HTR1F: variants seen among roughly 807,000 people sequenced by gnomAD.
HTR1F encodes 5-hydroxytryptamine (serotonin) receptor 1F, G protein-coupled.
A neutral mutation model predicts 24.0 loss-of-function variants in HTR1F; 17 were observed. The observed-to-expected ratio is 0.71, with a 90% CI of 0.48 to 1.06. The LOEUF is 1.06. HTR1F is among the 50% of genes least tolerant of loss of function. HTR1F has a pLI of 0.00. For missense variants in HTR1F, 391 were observed against 427.8 expected, an observed-to-expected ratio of 0.91 and a Z score of 0.76; for synonymous variants, 186 against 156.8, an observed-to-expected ratio of 1.19 and a Z score of -1.39.
At chr3:87,902,591 CT>C (rs917342990) in intron 2 of HTR1F, among the ~76,000 whole-genome samples, 8 of 151,530 alleles carry the variant, frequency 5.3e-5, no homozygotes, top group African/African-American at 1.7e-4. Context: ...TTGTTTGTTT[CT>C]TTTTTTTATT....
At chr3:87,814,066 A>T (rs1379218965) in intron 1 of HTR1F, among the ~76,000 whole-genome samples, 1 of 152,132 alleles carries the variant, frequency 6.6e-6, no homozygotes, top group African/African-American at 2.4e-5. Flanking sequence ...GCTATATAAG[A>T]CCTAATTGGT....
At chr3:87,875,881 G>A (rs1185639273) in intron 2 of HTR1F, among the ~76,000 whole-genome samples, 19 of 142,936 alleles carry the variant, frequency 1.3e-4, no homozygotes, top group Admixed American at 2.2e-4. Flanking sequence ...CCAAGATCAC[G>A]CTACTGCACT....
chr3:87,988,024 A>AAAC (rs1307047603), intron 2 of HTR1F, among the ~76,000 whole-genome samples: 1 of 151,684 alleles, frequency 6.6e-6, no homozygotes, highest in Non-Finnish European at 1.5e-5. Context: ...GACAGATGAG[A>AAAC]AACAGCCTGT....
At chr3:87,977,286 T>C (rs1705415495) in intron 2 of HTR1F, among the ~76,000 whole-genome samples, 1 of 152,116 alleles carries the variant, frequency 6.6e-6, no homozygotes, top group Admixed American at 6.6e-5. Flanking sequence ...AATAATAATA[T>C]TAAGTTTTTT....
chr3:87,799,754 T>C (rs1703963629), intron 1 of HTR1F, among the ~76,000 whole-genome samples: 1 of 152,206 alleles, frequency 6.6e-6, no homozygotes, highest in Non-Finnish European at 1.5e-5. Flanking sequence ...CATCCTGGCA[T>C]TGGGGTAAAT....
intron 2 of HTR1F, among the ~76,000 whole-genome samples, chr3:87,832,475 A>C (rs1375005499): frequency 1.3e-5 from 2 of 151,770 alleles, no homozygotes; most frequent in African/African-American, 4.8e-5. Context: ...CTACAGGCGC[A>C]CGCCGCCACA....
intron 2 of HTR1F, among the ~76,000 whole-genome samples, chr3:87,826,837 G>T (rs140306300): frequency 6.6e-5 from 10 of 152,080 alleles, no homozygotes; most frequent in African/African-American, 2.4e-4. Context: ...TGGGGACAGG[G>T]TCTCACTCTG....
intron 1 of HTR1F, among the ~76,000 whole-genome samples, chr3:87,796,484 A>T (rs1703907942): frequency 6.6e-6 from 1 of 152,198 alleles, no homozygotes; most frequent in African/African-American, 2.4e-5. Flanking sequence ...ACGGGATTTT[A>T]TGAAATAATT....
At chr3:87,845,690 A>G (rs1459139274) in intron 2 of HTR1F, among the ~76,000 whole-genome samples, 17 of 151,874 alleles carry the variant, frequency 1.1e-4, no homozygotes, top group African/African-American at 4.1e-4. Context: ...TGCCATCCCC[A>G]TCAAGCTACC....
chr3:87,889,139 C>T (rs1287181295), intron 2 of HTR1F, among the ~76,000 whole-genome samples: 2 of 152,132 alleles, frequency 1.3e-5, no homozygotes, highest in South Asian at 2.1e-4. Flanking sequence ...AATCTCTGCA[C>T]ACCCCAGCTC....
chr3:87,990,641 A>G (rs1401830253), intron 2 of HTR1F, 67 bp from the exon 3 acceptor site: 2 of 750,754 alleles, frequency 2.7e-6, no homozygotes, highest in Non-Finnish European at 4.3e-6. Context: ...TTTAAAAATT[A>G]TTCTGAAAGG....
At chr3:87,850,097 C>T (rs528119535) in intron 2 of HTR1F, among the ~76,000 whole-genome samples, 1 of 152,060 alleles carries the variant, frequency 6.6e-6, no homozygotes, top group East Asian at 1.9e-4. Context: ...ACCCAGCCAT[C>T]CCATTACTGG....
chr3:87,804,209 A>T (rs1453155899), intron 1 of HTR1F, among the ~76,000 whole-genome samples: 1 of 152,186 alleles, frequency 6.6e-6, no homozygotes, highest in Non-Finnish European at 1.5e-5. Context: ...ACATACAAAA[A>T]TGTGATTTTA....
intron 2 of HTR1F, among the ~76,000 whole-genome samples, chr3:87,964,891 G>C (rs1669271369): frequency 1.3e-5 from 2 of 152,118 alleles, no homozygotes; most frequent in African/African-American, 4.8e-5. Flanking sequence ...TGAATCATGA[G>C]TGTGGATCTT....
chr3:87,887,935 G>A (rs1313039813), intron 2 of HTR1F, among the ~76,000 whole-genome samples: 1 of 152,080 alleles, frequency 6.6e-6, no homozygotes, highest in Non-Finnish European at 1.5e-5. Flanking sequence ...TCTAGAACTA[G>A]AAATACCATT....
chr3:87,837,458 C>T (rs1048539453), intron 2 of HTR1F, among the ~76,000 whole-genome samples: 1 of 152,034 alleles, frequency 6.6e-6, no homozygotes, highest in African/African-American at 2.4e-5. Flanking sequence ...ATTTGAAAAG[C>T]CAACCTGAGG....
intron 2 of HTR1F, among the ~76,000 whole-genome samples, chr3:87,833,905 A>AT (rs1704632754): frequency 6.6e-6 from 1 of 152,158 alleles, no homozygotes; most frequent in Non-Finnish European, 1.5e-5. Context: ...ATTGACTTCC[A>AT]TTTTTAATAA....
In HTR1F at chr3:87,848,345, CT is replaced by C. The variant is rs550048477; in HGVS notation, c.-43+26225del. Among the ~76,000 whole-genome samples, 220 of 151,848 alleles carry C rather than the reference CT, an allele frequency of 1.4e-3. 7 individuals are homozygous for C. Among genetic ancestry groups the C allele is most frequent in the African/African-American group, 5.1e-3 (209 of 41,260 alleles). On this transcript the variant is annotated intron_variant, in intron 2 of 2. Coordinates refer to ENST00000319595, the MANE Select transcript of HTR1F (RefSeq NM_001322209.2). ...GAAATGTCTATTCATGTCTTTTGCC[CT>C]TTTGCCCATTTTTTAGTGGGATTTT...
chr3:87,904,423 A>G (rs758776821), intron 2 of HTR1F, among the ~76,000 whole-genome samples: 1 of 152,182 alleles, frequency 6.6e-6, no homozygotes, highest in Admixed American at 6.6e-5. Flanking sequence ...GAAAAATAGA[A>G]GAAGGCTCCT....
Sources: gnomAD v4.1 joint callset for allele counts (sites outside exome capture counted in the v4.1 genomes callset) on GRCh38, gnomAD v4.1.1 for gene constraint, MANE v1.5 for transcripts, NCBI Gene and HGNC (gene_info 2026-07-23, HGNC 2026-07-21) for gene names.